The following VXN variants were observed in gnomAD, a reference collection of about 807,000 sequenced individuals.
VXN encodes the protein uncharacterized protein C8orf46.
A neutral mutation model predicts 23.1 loss-of-function variants in VXN; 7 were observed. That is an observed-to-expected ratio of 0.30 (90% CI 0.17 to 0.57). The LOEUF is 0.57. VXN is among the 20% of genes least tolerant of loss of function. The pLI is 0.91. For missense variants in VXN, 238 were observed against 272.6 expected (o/e 0.87, Z 0.89); for synonymous variants, 120 against 105.8 (o/e 1.13, Z -0.83).
At chr8:66,497,233 A>G (rs898273475) in intron 2 of VXN, among the ~76,000 whole-genome samples, 2 of 152,066 alleles carry the variant, frequency 1.3e-5, no homozygotes, top group African/African-American at 2.4e-5. Flanking sequence ...CTCAAAGTAG[A>G]AAAAAAAGGT....
intron 2 of VXN, among the ~76,000 whole-genome samples, chr8:66,500,685 C>A (rs1433199489): frequency 6.6e-6 from 1 of 152,014 alleles, no homozygotes; most frequent in Admixed American, 6.6e-5. Context: ...TCTTCCCTTC[C>A]TCCTCCTTTT....
chr8:66,516,114 T>TC lies in VXN; in HGVS notation c.*42dup. On this transcript the variant is annotated 3_prime_UTR_variant, in exon 6 of 6. Transcript: ENST00000305454. ...TCAAGTGCCCTGTGTTGGCCAAGGTTCCCCGGACAAGAGGAAAAACCTTCA... is the reference window on the plus strand; with the variant it reads ...TCAAGTGCCCTGTGTTGGCCAAGGTTCCCCCGGACAAGAGGAAAAACCTTCA... 6.5e-7 allele frequency: 1 copy of TC among 1,536,676 alleles called. No individual in the cohort carries two copies. Among genetic ancestry groups the TC allele is most frequent in the Non-Finnish European group, 8.7e-7 (1 of 1,146,928 alleles).
At chr8:66,506,620 C>G (rs1050172495) in intron 3 of VXN, among the ~76,000 whole-genome samples, 4 of 152,128 alleles carry the variant, frequency 2.6e-5, no homozygotes, top group African/African-American at 9.7e-5. Flanking sequence ...GCGTTGGCAA[C>G]TTTGCATATT....
intron 3 of VXN, among the ~76,000 whole-genome samples, chr8:66,507,839 T>C (rs1289571262): frequency 6.6e-6 from 1 of 152,138 alleles, no homozygotes; most frequent in Non-Finnish European, 1.5e-5. Context: ...CATCCTCCTG[T>C]CAAGAAAGGT....
chr8:66,501,614 T>G (rs1469164653), intron 2 of VXN, among the ~76,000 whole-genome samples: 1 of 152,222 alleles, frequency 6.6e-6, no homozygotes, highest in Admixed American at 6.5e-5. Flanking sequence ...TTCCTCCAGG[T>G]GGACAGCACA....
chr8:66,493,838 G>A (rs1807593476), intron 1 of VXN, 120 bp downstream of exon 1: 1 of 749,560 alleles, frequency 1.3e-6, no homozygotes, highest in Admixed American at 2.5e-5. Context: ...ATGGACTCTC[G>A]GTTTTGATGG....
In VXN at chr8:66,513,234, T is replaced by G. The variant is rs1003216116; in HGVS notation, c.343-306T>G. 2.0e-5 allele frequency among the ~76,000 whole-genome samples: 3 copies of G among 152,174 alleles called. No individual in the cohort carries two copies. In the South Asian group the frequency reaches 6.2e-4, roughly 32 times the overall value. On this transcript the variant is annotated intron_variant, in intron 4 of 5. Transcript: ENST00000305454. ...CGCGGTCTCCAGTTTCTCATTTCTCTCTCCTGAGTTTCTCTAGGTCAGTGG... is the reference window on the plus strand; with the variant it reads ...CGCGGTCTCCAGTTTCTCATTTCTCGCTCCTGAGTTTCTCTAGGTCAGTGG...
chr8:66,496,674 A>G (rs1446179201), intron 2 of VXN, among the ~76,000 whole-genome samples, 182 bp downstream of exon 2: 1 of 152,168 alleles, frequency 6.6e-6, no homozygotes, highest in Non-Finnish European at 1.5e-5. Context: ...TCAACCAGAC[A>G]CCAAGTGACC....
rs535647539 is a variant in VXN, at chr8:66,517,250, A to G, written c.*1174A>G. ...AGCCTTAAAACAATAACATAATAAT[A>G]ATGATGATAATGATACTTATAGCTA... On this transcript the variant is annotated 3_prime_UTR_variant, in exon 6 of 6. Coordinates refer to ENST00000305454, the MANE Select transcript of VXN (RefSeq NM_152765.4). 1.3e-5 allele frequency: 2 copies of G among 152,312 alleles called. No individual in the cohort carries two copies. Among genetic ancestry groups the G allele is most frequent in the East Asian group, 3.9e-4 (2 of 5,190 alleles). The allele number at this position is 152,312 out of a possible 1,614,324, so 9.4% of individuals were successfully genotyped here. A position where few individuals can be genotyped will look rare whatever the true frequency, so the allele number is the denominator to read the frequency against.
rs1807589986 is a variant in VXN at position 66,493,671 on chromosome 8, G to A, written c.23G>A (p.Cys8Tyr). The A allele has an allele frequency of 6.2e-7, 1 of 1,613,516 alleles. No homozygotes were observed. ...GAAATGATGCATCAGATTTACAGCT[G>A]CAGTGACGAGAACATAGAAGTTTTC... MMHQIYSCSDENIEVFTT... is the reference protein window; with the variant it reads MMHQIYSYSDENIEVFTT... The change falls in exon 1 of 6, where the codon TGC becomes TAC. Residue 8 changes from cysteine to tyrosine, a missense_variant. Cys to Tyr is a radical substitution (Grantham distance 194, BLOSUM62 -2). This residue lies in a region of VXN where 15 missense variants were observed against 35.7 expected (regional missense o/e 0.42). Transcript: ENST00000305454.
At chr8:66,498,499 A>C (rs1807651602) in intron 2 of VXN, among the ~76,000 whole-genome samples, 1 of 152,230 alleles carries the variant, frequency 6.6e-6, no homozygotes, top group Admixed American at 6.5e-5. Context: ...TTTATACAAT[A>C]CAGTAGTCCC....
chr8:66,513,403 C>T, intron 4 of VXN, 137 bp from the exon 5 acceptor site: 1 of 781,428 alleles, frequency 1.3e-6, no homozygotes, highest in South Asian at 1.4e-5. Flanking sequence ...AGGGCAGTCC[C>T]ACACCTGCTG....
intron 2 of VXN, among the ~76,000 whole-genome samples, chr8:66,502,324 C>T (rs1012629936): frequency 2.6e-5 from 4 of 152,258 alleles, no homozygotes; most frequent in Admixed American, 1.3e-4. Flanking sequence ...AATGAAGATT[C>T]GTGGCCCCTT....
At chr8:66,510,193 T>G (rs750031010) in intron 4 of VXN, 36 bp downstream of exon 4, 11 of 1,529,766 alleles carry the variant, frequency 7.2e-6, no homozygotes, top group Admixed American at 1.8e-5. Flanking sequence ...GTATCTGTTG[T>G]GCATTAAACT....
rs1807626817 is a variant in VXN, at chr8:66,496,420, T to C, written c.71-17T>C. 6.2e-7 allele frequency: 1 copy of C among 1,613,686 alleles called. No individual in the cohort carries two copies. The highest frequency in any genetic ancestry group is 8.5e-7 in the Non-Finnish European group (1 of 1,179,578). ...CTGATGTTGTCTAAAACCATTTCTT[T>C]CTCTCTGTCTTTGCAGTATCCAGTC... On this transcript the variant is annotated splice_polypyrimidine_tract_variant and intron_variant, in intron 1 of 5. Transcript: ENST00000305454.
At chr8:66,500,334 C>T (rs1014286911) in intron 2 of VXN, among the ~76,000 whole-genome samples, 1 of 152,182 alleles carries the variant, frequency 6.6e-6, no homozygotes, top group Non-Finnish European at 1.5e-5. Flanking sequence ...TTTTCCAGAA[C>T]AGCTGAGCCT....
At chr8:66,498,693 C>T (rs1807654842) in intron 2 of VXN, 1 of 356,448 alleles carries the variant, frequency 2.8e-6, no homozygotes, top group Admixed American at 3.2e-5. Flanking sequence ...AATGGAGACC[C>T]TGGACAAAGG....
At chr8:66,501,785 T>TG (rs1047560081) in intron 2 of VXN, among the ~76,000 whole-genome samples, 99 of 152,324 alleles carry the variant, frequency 6.5e-4, no homozygotes, top group African/African-American at 2.2e-3. Flanking sequence ...CTTTTGCAGA[T>TG]GGGAAAAGTG....
chr8:66,505,555 C>A, intron 3 of VXN, 27 bp downstream of exon 3: 1 of 1,458,784 alleles, frequency 6.9e-7, no homozygotes. Flanking sequence ...CCCAGCTCCC[C>A]GCACCTCCCT....
Sources: allele counts gnomAD v4.1 joint callset (sites outside exome capture counted in the v4.1 genomes callset), GRCh38; gene constraint gnomAD v4.1.1; regional missense constraint gnomAD v4.1.1; transcripts MANE v1.5; gene names NCBI Gene and HGNC (gene_info 2026-07-23, HGNC 2026-07-21).